The following LIN9 variants were observed in gnomAD, a reference collection of about 807,000 sequenced individuals.
The protein encoded by LIN9 is protein lin-9 homolog.
LIN9 carries 18 observed loss-of-function variants against 78.0 expected under a neutral mutation model. The ratio of observed to expected loss-of-function variants is 0.23; its 90% CI spans 0.16 to 0.34. LIN9 has a LOEUF of 0.34. Among genes scored for constraint, LIN9 ranks in the 10% least tolerant of loss-of-function variants. LIN9 has a pLI of 1.00. For missense variants in LIN9, 451 were observed against 644.1 expected (o/e 0.70, Z 3.25); for synonymous variants, 192 against 215.2 (o/e 0.89, Z 0.94).
chr1:226,300,604 C>T (rs1472510841), intron 2 of LIN9, among the ~76,000 whole-genome samples: 1 of 152,036 alleles, frequency 6.6e-6, no homozygotes, highest in Non-Finnish European at 1.5e-5. Flanking sequence ...GCCTGTAATC[C>T]CAGCACTTTG....
intron 1 of LIN9, among the ~76,000 whole-genome samples, chr1:226,304,292 G>T (rs898531997): frequency 6.6e-6 from 1 of 152,106 alleles, no homozygotes; most frequent in Non-Finnish European, 1.5e-5. Flanking sequence ...ATGATGATTG[G>T]GTTTTCATAC....
In LIN9 at chr1:226,309,149, G is replaced by C. The variant is rs765457515; in HGVS notation, c.-10C>G. 3.6e-6 allele frequency: 5 copies of C among 1,377,394 alleles called. No homozygotes were observed. In the South Asian group the frequency reaches 9.7e-5, roughly 27 times the overall value. 85.3% of individuals were successfully genotyped at this position (1,377,394 alleles called of 1,614,324 possible). A position where few individuals can be genotyped will look rare whatever the true frequency, so the allele number is the denominator to read the frequency against. On this transcript the variant is annotated 5_prime_UTR_variant, in exon 1 of 15. Transcript: ENST00000681046. ...GGTCGAGCTCCGCCATCTTGAACGA[G>C]CCGCGCCGCTTTTTCAAAGGCTGCC...
chr1:226,276,581 A>C (rs1051585102), intron 7 of LIN9, among the ~76,000 whole-genome samples: 1 of 152,184 alleles, frequency 6.6e-6, no homozygotes, highest in Admixed American at 6.5e-5. Context: ...TTTACAATAT[A>C]ATGGAAACAA....
At chr1:226,252,199 T>TGA (rs1158952251) in intron 10 of LIN9, among the ~76,000 whole-genome samples, 1 of 151,844 alleles carries the variant, frequency 6.6e-6, no homozygotes, top group Non-Finnish European at 1.5e-5. Context: ...GGGAGAACTT[T>TGA]GAGCCTGGGA....
intron 5 of LIN9, among the ~76,000 whole-genome samples, chr1:226,286,702 A>G (rs1661396707): frequency 6.6e-6 from 1 of 152,238 alleles, no homozygotes; most frequent in South Asian, 2.1e-4. Flanking sequence ...AATCTCTTAT[A>G]CAGGTATATC....
intron 7 of LIN9, 23 bp from the exon 8 acceptor site, chr1:226,268,113 A>T: frequency 1.2e-6 from 2 of 1,610,028 alleles, no homozygotes; most frequent in Admixed American, 3.4e-5. Flanking sequence ...CAAAGGCATT[A>T]TGATGTGTGG....
chr1:226,284,239 T>G (rs1661260474), intron 6 of LIN9, among the ~76,000 whole-genome samples: 1 of 152,128 alleles, frequency 6.6e-6, no homozygotes, highest in Non-Finnish European at 1.5e-5. Context: ...TGACTGTATC[T>G]GGATTTTCTT....
In LIN9 at chr1:226,283,663, C is replaced by T. The variant is rs550796107; in HGVS notation, c.524+2670G>A. On this transcript the variant is annotated intron_variant, in intron 6 of 14. Coordinates refer to ENST00000681046, the MANE Select transcript of LIN9 (RefSeq NM_001366245.2). ...GCTCCTAGGTTTGAAGCCTGCTTTT[C>T]CAGGCCAGGCATGGTAGCTCATACC... Among the ~76,000 whole-genome samples the T allele has an allele frequency of 3.9e-5, 6 of 152,034 alleles. No homozygotes were observed. In the East Asian group the frequency reaches 9.7e-4, roughly 25 times the overall value.
intron 6 of LIN9, among the ~76,000 whole-genome samples, chr1:226,279,252 A>G (rs569569702): frequency 2.0e-5 from 3 of 152,126 alleles, no homozygotes; most frequent in Admixed American, 6.5e-5. Context: ...GAATTGCTTG[A>G]GCCCAGGAGT....
chr1:226,273,252 G>C (rs918103336), intron 7 of LIN9, among the ~76,000 whole-genome samples: 3 of 142,726 alleles, frequency 2.1e-5, no homozygotes, highest in African/African-American at 7.9e-5. Context: ...TTTTTAATTA[G>C]GTAATTTTTT....
At chr1:226,287,838 A>C (rs747010065) in intron 4 of LIN9, 41 bp from the exon 5 acceptor site, 1 of 1,415,556 alleles carries the variant, frequency 7.1e-7, no homozygotes, top group Non-Finnish European at 9.5e-7. Flanking sequence ...GGCTCCATTA[A>C]GTAAAAATGA....
chr1:226,295,730 G>A lies in LIN9; in HGVS notation c.264+112C>T, dbSNP rs796262010. ...TAAAACAGGACCAGAGCAGCCGTAC[G>A]AATTTAAAGAAAAGAACTTGTTACT... On this transcript the variant is annotated intron_variant, in intron 4 of 14. Transcript: ENST00000681046. The A allele has an allele frequency of 1.5e-4, 95 of 627,578 alleles. No homozygotes were observed. In the East Asian group the frequency reaches 1.7e-3, roughly 11 times the overall value. 38.9% of individuals were successfully genotyped at this position (627,578 alleles called of 1,614,324 possible).
At chr1:226,256,004 C>A (rs1033561896) in intron 10 of LIN9, among the ~76,000 whole-genome samples, 1 of 151,912 alleles carries the variant, frequency 6.6e-6, no homozygotes, top group Non-Finnish European at 1.5e-5. Context: ...ATCTAAGAAT[C>A]TCAGAGAATA....
At chr1:226,260,638 T>G (rs961581573) in intron 10 of LIN9, among the ~76,000 whole-genome samples, 35,560 of 105,792 alleles carry the variant, frequency 0.34, 7,835 homozygotes, top group African/African-American at 0.38. Flanking sequence ...GTTTTTTTTT[T>G]TTTTTTTTTT....
chr1:226,287,491 G>A (rs1661446170), intron 5 of LIN9, among the ~76,000 whole-genome samples, 173 bp downstream of exon 5: 1 of 152,204 alleles, frequency 6.6e-6, no homozygotes, highest in South Asian at 2.1e-4. Context: ...AAGGATAACA[G>A]GGAAGAAAAC....
chr1:226,252,025 C>T (rs115273987), intron 10 of LIN9, among the ~76,000 whole-genome samples: 95 of 152,060 alleles, frequency 6.2e-4, no homozygotes, highest in African/African-American at 2.2e-3. Context: ...GAGGCCAAGG[C>T]GGGAAGATCA....
intron 6 of LIN9, among the ~76,000 whole-genome samples, chr1:226,280,239 G>A (rs1660958006): frequency 6.6e-6 from 1 of 151,994 alleles, no homozygotes. Flanking sequence ...ATTGTCATTT[G>A]TCTCAAAAAC....
At chr1:226,301,507 G>C (rs1662531890) in intron 1 of LIN9, among the ~76,000 whole-genome samples, 1 of 152,122 alleles carries the variant, frequency 6.6e-6, no homozygotes, top group East Asian at 1.9e-4. Flanking sequence ...AGGTAATTTT[G>C]GATCCTCATC....
intron 11 of LIN9, among the ~76,000 whole-genome samples, chr1:226,247,302 G>A (rs900472974): frequency 3.3e-5 from 5 of 152,022 alleles, no homozygotes; most frequent in Admixed American, 6.6e-5. Flanking sequence ...TCTACCTACT[G>A]TCTACAGTTG....
Sources: allele counts gnomAD v4.1 joint callset (sites outside exome capture counted in the v4.1 genomes callset), GRCh38; gene constraint gnomAD v4.1.1; transcripts MANE v1.5; gene names NCBI Gene and HGNC (gene_info 2026-07-23, HGNC 2026-07-21).